CACHD1: variants seen among roughly 807,000 people sequenced by gnomAD.
CACHD1 encodes VWFA and cache domain-containing protein 1.
A neutral mutation model predicts 138.7 loss-of-function variants in CACHD1; 71 were observed. The ratio of observed to expected loss-of-function variants is 0.51; its 90% CI spans 0.42 to 0.62. The LOEUF (loss-of-function observed/expected upper bound fraction) is 0.62, where lower values mean the gene tolerates loss of function less well. Among genes scored for constraint, CACHD1 ranks in the 20% least tolerant of loss-of-function variants. The pLI is 0.00. For synonymous variants in CACHD1, 578 were observed against 591.5 expected (o/e 0.98, Z 0.33); for missense variants, 1,389 against 1,625.3 (o/e 0.85, Z 2.50).
intron 1 of CACHD1, among the ~76,000 whole-genome samples, chr1:64,515,448 T>A (rs1292392239): frequency 1.3e-5 from 2 of 152,238 alleles, no homozygotes; most frequent in Non-Finnish European, 2.9e-5. Context: ...TTGTTCAGGT[T>A]CTTTAGAATA....
chr1:64,601,131 C>T (rs184640402), intron 3 of CACHD1, among the ~76,000 whole-genome samples: 101 of 152,340 alleles, frequency 6.6e-4, no homozygotes, highest in Non-Finnish European at 1.1e-3. Context: ...TATTGGAACA[C>T]AGCCATACTC....
chr1:64,482,658 G>GA (rs1166040046), intron 1 of CACHD1, among the ~76,000 whole-genome samples: 1 of 152,140 alleles, frequency 6.6e-6, no homozygotes, highest in African/African-American at 2.4e-5. Context: ...ATGAAAAGGG[G>GA]AAATTTGCCA....
At chr1:64,528,133 T>G (rs1442122586) in intron 1 of CACHD1, among the ~76,000 whole-genome samples, 2 of 152,236 alleles carry the variant, frequency 1.3e-5, no homozygotes, top group Non-Finnish European at 2.9e-5. Flanking sequence ...TCAAATCTCT[T>G]GCATGGTCTA....
chr1:64,557,053 G>A (rs374803622), intron 2 of CACHD1, among the ~76,000 whole-genome samples: 14 of 151,792 alleles, frequency 9.2e-5, no homozygotes, highest in South Asian at 2.1e-4. Context: ...CCCGGGAGGC[G>A]GAGCTTGCAG....
chr1:64,557,513 T>A (rs1164356281), intron 2 of CACHD1, among the ~76,000 whole-genome samples: 8 of 152,178 alleles, frequency 5.3e-5, no homozygotes. Flanking sequence ...GAACTCCTTA[T>A]ACAGGAGACG....
chr1:64,637,931 C>A (rs1648578703), intron 7 of CACHD1, among the ~76,000 whole-genome samples: 1 of 152,204 alleles, frequency 6.6e-6, no homozygotes, highest in Admixed American at 6.5e-5. Context: ...TGAAATTTTT[C>A]TAACCTTGTG....
At chr1:64,673,281 C>T in intron 18 of CACHD1, 24 bp downstream of exon 18, 3 of 1,613,414 alleles carry the variant, frequency 1.9e-6, no homozygotes, top group Non-Finnish European at 2.5e-6. Flanking sequence ...AGCTGAGCTG[C>T]TCAGTTCTCC....
Position 64,682,002 on chromosome 1 carries a change from C to T in CACHD1, c.3485-3C>T. 3 of 1,613,792 alleles carry T rather than the reference C, an allele frequency of 1.9e-6. No individual in the cohort carries two copies. The highest frequency in any genetic ancestry group is 2.5e-6 in the Non-Finnish European group (3 of 1,179,700). On this transcript the variant is annotated splice_region_variant and splice_polypyrimidine_tract_variant and intron_variant, in intron 25 of 26. Transcript: ENST00000651257. ...GACATTAACTGTCCTTGGCTTCCTACAGTCAGCAACACTCGGTTTATAGCT... is the reference window on the plus strand; with the variant it reads ...GACATTAACTGTCCTTGGCTTCCTATAGTCAGCAACACTCGGTTTATAGCT...
At chr1:64,671,457 C>G (rs1472919322) in intron 16 of CACHD1, 107 bp from the exon 17 acceptor site, 4 of 1,159,424 alleles carry the variant, frequency 3.4e-6, no homozygotes, top group African/African-American at 1.5e-5. Context: ...TAGGGAGGAA[C>G]AGTGGGAAGG....
intron 1 of CACHD1, among the ~76,000 whole-genome samples, chr1:64,518,245 G>T (rs1254581118): frequency 1.3e-5 from 2 of 152,044 alleles, no homozygotes; most frequent in East Asian, 3.9e-4. Context: ...GCACACATGG[G>T]GATGGAAAAC....
chr1:64,517,768 C>G (rs1009422285), intron 1 of CACHD1, among the ~76,000 whole-genome samples: 1 of 152,148 alleles, frequency 6.6e-6, no homozygotes, highest in African/African-American at 2.4e-5. Flanking sequence ...GGAGGAGGGA[C>G]CTGGACAGTG....
intron 5 of CACHD1, among the ~76,000 whole-genome samples, chr1:64,629,763 G>A (rs778185322): frequency 3.3e-5 from 5 of 152,070 alleles, no homozygotes; most frequent in African/African-American, 7.2e-5. Flanking sequence ...AGTGTTTTGA[G>A]TTTCAGAATT....
intron 2 of CACHD1, among the ~76,000 whole-genome samples, chr1:64,578,848 A>G (rs1646989572): frequency 6.6e-6 from 1 of 152,216 alleles, no homozygotes; most frequent in Non-Finnish European, 1.5e-5. Flanking sequence ...GTCACGTAGT[A>G]TCACTTTCTC....
At chr1:64,535,211 A>G (rs1646621990) in intron 1 of CACHD1, among the ~76,000 whole-genome samples, 1 of 152,086 alleles carries the variant, frequency 6.6e-6, no homozygotes, top group Non-Finnish European at 1.5e-5. Flanking sequence ...GTGGTTTAGC[A>G]GTAGTAGATA....
intron 3 of CACHD1, among the ~76,000 whole-genome samples, chr1:64,597,525 T>TTG (rs1491401718): frequency 6.0e-3 from 40 of 6,658 alleles, no homozygotes; most frequent in Admixed American, 0.021. Context: ...TTTTTTGTTG[T>TTG]TTTTTTTTTT....
At chr1:64,538,238 T>C (rs1158288505) in intron 1 of CACHD1, among the ~76,000 whole-genome samples, 6 of 152,238 alleles carry the variant, frequency 3.9e-5, no homozygotes, top group African/African-American at 1.4e-4. Context: ...CTTTGACTCA[T>C]GGCTTCAATT....
At chr1:64,603,717 T>A (rs969244532) in intron 4 of CACHD1, among the ~76,000 whole-genome samples, 2 of 152,164 alleles carry the variant, frequency 1.3e-5, no homozygotes, top group African/African-American at 2.4e-5. Flanking sequence ...GAAGGTGGTG[T>A]TAATAACTAC....
intron 1 of CACHD1, among the ~76,000 whole-genome samples, chr1:64,513,305 T>C (rs1437022815): frequency 6.6e-6 from 1 of 152,176 alleles, no homozygotes; most frequent in Non-Finnish European, 1.5e-5. Flanking sequence ...ATCAAAAATG[T>C]CAAGTGTCCC....
chr1:64,688,927 C>A (rs1453684167), intron 26 of CACHD1, among the ~76,000 whole-genome samples: 3 of 152,190 alleles, frequency 2.0e-5, no homozygotes, highest in African/African-American at 7.2e-5. Flanking sequence ...CCAATTGTCA[C>A]CTCAAGGATC....
Sources: gnomAD v4.1 joint callset for allele counts (sites outside exome capture counted in the v4.1 genomes callset) on GRCh38, gnomAD v4.1.1 for gene constraint, MANE v1.5 for transcripts, NCBI Gene and HGNC (gene_info 2026-07-23, HGNC 2026-07-21) for gene names.